PDE1C: variants seen among roughly 807,000 people sequenced by gnomAD.
PDE1C encodes phosphodiesterase 1C.
PDE1C carries 62 observed loss-of-function variants against 93.1 expected under a neutral mutation model. The ratio of observed to expected loss-of-function variants is 0.67; its 90% CI spans 0.54 to 0.82. The LOEUF is 0.82. PDE1C is among the 40% of genes least tolerant of loss of function. The pLI is 0.00. For missense variants in PDE1C, 742 were observed against 884.6 expected, an observed-to-expected ratio of 0.84 and a Z score of 2.04; for synonymous variants, 325 against 310.1, an observed-to-expected ratio of 1.05 and a Z score of -0.50.
At chr7:32,075,759 C>A (rs977000467), upstream of PDE1C, among the ~76,000 whole-genome samples, 6 of 152,128 alleles carry the variant, frequency 3.9e-5, no homozygotes, top group African/African-American at 1.4e-4. Context: ...AGCTCAGGGG[C>A]AGCCCGATGT....
the PDE1C span, chr7:31,653,547 A>G: frequency 2.6e-5 from 4 of 152,096 alleles, no homozygotes; most frequent in African/African-American, 9.7e-5. Flanking sequence ...ATTCAACAGA[A>G]CTGTTTTAGA....
At chr7:31,824,787 TC>T (rs1273601162) in intron 13 of PDE1C, 79 bp downstream of exon 13, 2 of 1,552,466 alleles carry the variant, frequency 1.3e-6, no homozygotes, top group African/African-American at 2.7e-5. Flanking sequence ...TGAAATACCA[TC>T]CCCATCCCCA....
intron 3 of PDE1C, among the ~76,000 whole-genome samples, chr7:32,101,780 G>A (rs1798050406): frequency 6.6e-6 from 1 of 152,130 alleles, no homozygotes. Context: ...GACTAACATA[G>A]AAAATTGGTA....
At chr7:31,884,365 C>A (rs990427413) in intron 2 of PDE1C, among the ~76,000 whole-genome samples, 3 of 151,640 alleles carry the variant, frequency 2.0e-5, no homozygotes, top group Admixed American at 6.6e-5. Context: ...TCAAAAAAAA[C>A]CCATAGATCT....
At chr7:32,378,870 G>GCAT (rs1784480467) in intron 1 of PDE1C, among the ~76,000 whole-genome samples, 1 of 152,158 alleles carries the variant, frequency 6.6e-6, no homozygotes, top group East Asian at 1.9e-4. Context: ...CTCCTGCATG[G>GCAT]CATCACTGGC....
chr7:32,391,132 C>T lies in PDE1C; in HGVS notation c.310+36690G>A, dbSNP rs111310099. Among the ~76,000 whole-genome samples, 1,144 of 151,978 alleles carry T rather than the reference C, an allele frequency of 7.5e-3. 19 individuals are homozygous for T. The highest frequency in any genetic ancestry group is 0.026 in the African/African-American group (1,086 of 41,462). ...AAAATTTTTAACTATATACAGTCTA[C>T]AAGAGGCACACTTTAGATTCAAAGA... On this transcript the variant is annotated intron_variant, in intron 1 of 1. Transcript: ENST00000672256.
chr7:31,829,388 A>G (rs756182622), intron 11 of PDE1C, among the ~76,000 whole-genome samples: 14 of 152,284 alleles, frequency 9.2e-5, no homozygotes, highest in Non-Finnish European at 1.8e-4. Flanking sequence ...TAAGGCCAAG[A>G]CTCGAGAAAC....
intron 1 of PDE1C, among the ~76,000 whole-genome samples, chr7:32,261,837 C>T (rs901005046): frequency 1.2e-4 from 19 of 152,090 alleles, no homozygotes; most frequent in Admixed American, 3.3e-4. Context: ...ATCACTACTT[C>T]GTACATTTTT....
At chr7:32,315,568 A>T (rs1393581162) in intron 1 of PDE1C, among the ~76,000 whole-genome samples, 1 of 152,188 alleles carries the variant, frequency 6.6e-6, no homozygotes, top group East Asian at 1.9e-4. Context: ...ATTGGTTATA[A>T]TTTAGTTTCT....
chr7:32,204,029 TTTTACTA>T (rs1213589877), intron 2 of PDE1C, among the ~76,000 whole-genome samples: 1 of 152,194 alleles, frequency 6.6e-6, no homozygotes, highest in East Asian at 1.9e-4. Context: ...CTCTTGCACT[TTTTACTA>T]AGTGCACTTA....
At chr7:32,058,243 C>T (rs1274721804) in intron 1 of PDE1C, among the ~76,000 whole-genome samples, 2 of 152,180 alleles carry the variant, frequency 1.3e-5, no homozygotes, top group African/African-American at 4.8e-5. Flanking sequence ...TTCTTTTCTC[C>T]AGAGACCACT....
chr7:32,358,999 G>A (rs1216992694), intron 1 of PDE1C, among the ~76,000 whole-genome samples: 1 of 151,780 alleles, frequency 6.6e-6, no homozygotes, highest in African/African-American at 2.4e-5. Context: ...TCCTGTCCTT[G>A]CTGGGCCTGC....
the PDE1C span, among the ~76,000 whole-genome samples, chr7:31,664,146 C>T: frequency 2.0e-5 from 3 of 152,150 alleles, no homozygotes; most frequent in African/African-American, 7.2e-5. Context: ...CCAGTATAAC[C>T]ATGGCCAGCT....
intron 2 of PDE1C, among the ~76,000 whole-genome samples, chr7:32,174,061 C>T (rs1451583498): frequency 6.6e-6 from 1 of 152,128 alleles, no homozygotes; most frequent in Non-Finnish European, 1.5e-5. Context: ...AAGGGCCCTA[C>T]ACATATATCT....
chr7:31,728,141 G>C, the PDE1C span, among the ~76,000 whole-genome samples: 1 of 152,214 alleles, frequency 6.6e-6, no homozygotes, highest in Admixed American at 6.5e-5. Flanking sequence ...CCTGTGAGCA[G>C]TTCTCAGCCA....
intron 7 of PDE1C, among the ~76,000 whole-genome samples, chr7:31,851,262 C>T (rs1466149357): frequency 1.3e-5 from 2 of 152,164 alleles, no homozygotes; most frequent in Non-Finnish European, 2.9e-5. Flanking sequence ...GGACTTCTCC[C>T]CATCCACACC....
intron 3 of PDE1C, among the ~76,000 whole-genome samples, chr7:32,169,263 G>T (rs998807223): frequency 2.6e-5 from 4 of 152,178 alleles, no homozygotes; most frequent in Admixed American, 6.5e-5. Context: ...AGACCTTGCA[G>T]GAAGATGCAA....
chr7:32,014,300 CA>C (rs11306161), intron 2 of PDE1C, among the ~76,000 whole-genome samples: 129,964 of 151,484 alleles, frequency 0.86, 55,911 homozygotes, highest in African/African-American at 0.92. Context: ...GCTATAACGT[CA>C]AAAAAAAAAA....
At chr7:32,076,642 CAA>C (rs869181797) in intron 3 of PDE1C, among the ~76,000 whole-genome samples, 8 of 40,430 alleles carry the variant, frequency 2.0e-4, no homozygotes, top group African/African-American at 1.9e-4. Flanking sequence ...GACTCCATCT[CAA>C]AAAAAAAAAA....
Sources: allele counts gnomAD v4.1 joint callset (sites outside exome capture counted in the v4.1 genomes callset), GRCh38; gene constraint gnomAD v4.1.1; transcripts MANE v1.5; gene names NCBI Gene and HGNC (gene_info 2026-07-23, HGNC 2026-07-21).